The following TENT2 variants were observed in gnomAD, a reference collection of about 807,000 sequenced individuals.
The protein encoded by TENT2 is terminal nucleotidyltransferase 2.
A neutral mutation model predicts 72.2 loss-of-function variants in TENT2; 44 were observed. The observed-to-expected ratio is 0.61, with a 90% CI of 0.48 to 0.78. The LOEUF is 0.78. Among genes scored for constraint, TENT2 ranks in the 30% least tolerant of loss-of-function variants. The pLI, the probability that TENT2 is intolerant of heterozygous loss-of-function variation, is 0.00. For missense variants in TENT2, 541 were observed against 569.6 expected, an observed-to-expected ratio of 0.95 and a Z score of 0.51; for synonymous variants, 212 against 192.5, an observed-to-expected ratio of 1.10 and a Z score of -0.84.
At chr5:79,650,852 A>G (rs1233904176) in intron 10 of TENT2, among the ~76,000 whole-genome samples, 1 of 152,056 alleles carries the variant, frequency 6.6e-6, no homozygotes, top group African/African-American at 2.4e-5. Flanking sequence ...TTACTAGTAT[A>G]GGAGGATAGA....
chr5:79,641,863 A>G (rs1345277032), intron 6 of TENT2, among the ~76,000 whole-genome samples: 1 of 151,904 alleles, frequency 6.6e-6, no homozygotes, highest in African/African-American at 2.4e-5. Flanking sequence ...CCCTGATGCA[A>G]ATCTGAAATG....
chr5:79,642,456 T>C (rs1213732896), intron 6 of TENT2, among the ~76,000 whole-genome samples: 1 of 152,118 alleles, frequency 6.6e-6, no homozygotes. Context: ...TGAGGCACCA[T>C]AGATATGAAA....
Position 79,655,249 on chromosome 5 carries a change from T to C in TENT2, c.1028-1709T>C, listed in dbSNP as rs1227588209. The stretch of plus-strand genomic sequence containing the variant: ...CTGATGACTAGTGTTTATAAATCTT[T>C]TAAAGTTGTAACATAAAGAATTTAC... On this transcript the variant is annotated intron_variant, in intron 10 of 14. Coordinates refer to ENST00000453514, the MANE Select transcript of TENT2 (RefSeq NM_001114394.3). Among the ~76,000 whole-genome samples, 3 of 152,242 alleles carry C rather than the reference T, an allele frequency of 2.0e-5. No homozygotes were observed. The East Asian group carries it at 5.8e-4, about 29-fold the overall frequency.
At chr5:79,639,495 G>GA (rs1263223449) in intron 4 of TENT2, among the ~76,000 whole-genome samples, 1 of 143,174 alleles carries the variant, frequency 7.0e-6, no homozygotes, top group Non-Finnish European at 1.5e-5. Flanking sequence ...TTTTTATATT[G>GA]ACCTAAGATT....
intron 1 of TENT2, among the ~76,000 whole-genome samples, chr5:79,615,829 C>T (rs959936940): frequency 1.3e-5 from 2 of 152,124 alleles, no homozygotes; most frequent in Non-Finnish European, 2.9e-5. Context: ...CCTCCCACCC[C>T]AGCCTCCAGA....
At chr5:79,665,131 G>A (rs963131931) in intron 11 of TENT2, among the ~76,000 whole-genome samples, 5 of 152,116 alleles carry the variant, frequency 3.3e-5, no homozygotes, top group Non-Finnish European at 7.4e-5. Flanking sequence ...AAACTTCAAG[G>A]TATCACTTAG....
At chr5:79,653,518 A>G (rs1795705752) in intron 10 of TENT2, among the ~76,000 whole-genome samples, 1 of 152,126 alleles carries the variant, frequency 6.6e-6, no homozygotes, top group African/African-American at 2.4e-5. Context: ...AAACATTGCT[A>G]TTTTGCCAGT....
chr5:79,627,732 G>T (rs181396049), intron 4 of TENT2, among the ~76,000 whole-genome samples: 3 of 152,150 alleles, frequency 2.0e-5, no homozygotes, highest in Non-Finnish European at 2.9e-5. Context: ...TGAACCACCC[G>T]CCTCAGCTTC....
intron 12 of TENT2, among the ~76,000 whole-genome samples, chr5:79,669,578 G>C (rs1356416544): frequency 1.3e-5 from 2 of 152,178 alleles, no homozygotes; most frequent in East Asian, 3.9e-4. Flanking sequence ...TGAGTTCTAA[G>C]TCCAGAGAGA....
chr5:79,643,491 A>G (rs1360043553), intron 7 of TENT2, among the ~76,000 whole-genome samples: 3 of 152,154 alleles, frequency 2.0e-5, no homozygotes, highest in Non-Finnish European at 4.4e-5. Flanking sequence ...TTAAACTTCC[A>G]TAGAATTTTA....
At chr5:79,618,524 A>G (rs6887052) in intron 1 of TENT2, among the ~76,000 whole-genome samples, 30,830 of 151,926 alleles carry the variant, frequency 0.2, 4,617 homozygotes, top group African/African-American at 0.42. Context: ...GTGAGCCACC[A>G]CATCCGGCCC....
chr5:79,678,861 AC>A (rs1819454218), intron 12 of TENT2, among the ~76,000 whole-genome samples: 1 of 152,130 alleles, frequency 6.6e-6, no homozygotes, highest in Non-Finnish European at 1.5e-5. Context: ...GTTAACTATG[AC>A]CATAGTTGTT....
At chr5:79,679,723 G>A in intron 13 of TENT2, 53 bp downstream of exon 13, 18 of 1,013,162 alleles carry the variant, frequency 1.8e-5, no homozygotes, top group Non-Finnish European at 2.4e-5. Context: ...AGAATTACTT[G>A]AGTAATTTCA....
chr5:79,674,400 C>A (rs1365934224), intron 12 of TENT2, among the ~76,000 whole-genome samples: 2 of 152,070 alleles, frequency 1.3e-5, no homozygotes, highest in Non-Finnish European at 2.9e-5. Context: ...AGACCCCCTC[C>A]TAAAAAACAA....
chr5:79,677,201 A>AT lies in TENT2; in HGVS notation c.1209-2377dup, dbSNP rs540791382. ...AATGCAGTAGATTGAATCAGTCCAA[A>AT]TAGTAGTGATTCAAAATATTCTTTT... On this transcript the variant is annotated intron_variant, in intron 12 of 14. Transcript: ENST00000453514. Among the ~76,000 whole-genome samples the AT allele has an allele frequency of 1.1e-3, 168 of 152,352 alleles. 1 individual carries two copies. Among genetic ancestry groups the AT allele is most frequent in the African/African-American group, 3.9e-3 (163 of 41,580 alleles).
intron 8 of TENT2, among the ~76,000 whole-genome samples, chr5:79,645,469 C>A (rs191586050): frequency 7.2e-5 from 11 of 151,912 alleles, no homozygotes; most frequent in African/African-American, 2.4e-4. Context: ...GATCTCTTGC[C>A]TTTTGGAAGT....
chr5:79,630,344 A>G (rs145453303), intron 4 of TENT2, among the ~76,000 whole-genome samples: 91 of 151,576 alleles, frequency 6.0e-4, no homozygotes, highest in African/African-American at 1.5e-3. Flanking sequence ...TGTAATCGCA[A>G]CACTTTGGGA....
chr5:79,655,667 G>A (rs6875039), intron 10 of TENT2, among the ~76,000 whole-genome samples: 30,717 of 151,526 alleles, frequency 0.2, 4,573 homozygotes, highest in African/African-American at 0.42. Context: ...CTAGAATGTT[G>A]AGTATTTGAA....
At chr5:79,683,344 C>A (rs372371328) in intron 14 of TENT2, among the ~76,000 whole-genome samples, 1 of 150,572 alleles carries the variant, frequency 6.6e-6, no homozygotes, top group African/African-American at 2.5e-5. Flanking sequence ...CACACACACC[C>A]CACCTCACCT....
Sources: gnomAD v4.1 joint callset for allele counts (sites outside exome capture counted in the v4.1 genomes callset) on GRCh38, gnomAD v4.1.1 for gene constraint, MANE v1.5 for transcripts, NCBI Gene and HGNC (gene_info 2026-07-23, HGNC 2026-07-21) for gene names.